Variants in ZNF385D observed in about 807,000 individuals in gnomAD.
The protein encoded by ZNF385D is zinc finger protein 385D.
In ZNF385D, 15 loss-of-function variants were observed where a neutral mutation model predicts 35.8. That is an observed-to-expected ratio of 0.42 (90% CI 0.28 to 0.64). ZNF385D has a LOEUF of 0.64. Among genes scored for constraint, ZNF385D ranks in the 30% least tolerant of loss-of-function variants. The pLI is 0.23. For synonymous variants in ZNF385D, 212 were observed against 186.8 expected, an observed-to-expected ratio of 1.13 and a Z score of -1.10; for missense variants, 474 against 494.6, an observed-to-expected ratio of 0.96 and a Z score of 0.39.
At chr3:22,181,658 A>G (rs888413500) in intron 2 of ZNF385D, among the ~76,000 whole-genome samples, 4 of 149,034 alleles carry the variant, frequency 2.7e-5, no homozygotes, top group Admixed American at 2.0e-4. Flanking sequence ...AGATGGGGCC[A>G]CTGCACTCCG....
chr3:21,610,050 A>G (rs1228215556), intron 2 of ZNF385D, among the ~76,000 whole-genome samples: 2 of 152,052 alleles, frequency 1.3e-5, no homozygotes, highest in African/African-American at 4.8e-5. Context: ...ATAAGCCACT[A>G]TGCTGTTATT....
In ZNF385D at chr3:22,336,929, AAAAAAAAAC is replaced by A. The variant is rs1227019006; in HGVS notation, c.106+35512_106+35520del. Among the ~76,000 whole-genome samples, 809 of 146,132 alleles carry A rather than the reference AAAAAAAAAC, an allele frequency of 5.5e-3. 18 individuals carry two copies. The highest frequency in any genetic ancestry group is 0.019 in the African/African-American group (747 of 39,632). Reference sequence around the variant, plus strand: ...TTTTTCAAAAAAAAAAAAAAAAAAAAAAAAAAAACCCTTACTGTTAGTGAGGAGAGAATA... The same window carrying A: ...TTTTTCAAAAAAAAAAAAAAAAAAAACCTTACTGTTAGTGAGGAGAGAATA... On this transcript the variant is annotated intron_variant, in intron 2 of 5. Transcript: ENST00000494108.
At chr3:21,848,935 T>A (rs1317261999) in intron 3 of ZNF385D, among the ~76,000 whole-genome samples, 1 of 152,114 alleles carries the variant, frequency 6.6e-6, no homozygotes, top group Non-Finnish European at 1.5e-5. Context: ...ATAGCCATCA[T>A]TCCATAAACA....
chr3:21,739,528 C>A (rs1162402929), intron 1 of ZNF385D, among the ~76,000 whole-genome samples: 1 of 152,086 alleles, frequency 6.6e-6, no homozygotes, highest in Non-Finnish European at 1.5e-5. Flanking sequence ...CATGAGGGGC[C>A]AGATCAGAAT....
chr3:21,454,655 A>G (rs1159367019), intron 4 of ZNF385D, among the ~76,000 whole-genome samples: 2 of 152,192 alleles, frequency 1.3e-5, no homozygotes, highest in East Asian at 3.9e-4. Context: ...CAAAACTGGA[A>G]ACATTCCCTT....
intron 3 of ZNF385D, among the ~76,000 whole-genome samples, chr3:21,940,130 GTTATT>G (rs1404715330): frequency 1.3e-5 from 2 of 151,882 alleles, no homozygotes; most frequent in Admixed American, 1.3e-4. Flanking sequence ...TCTTGTTTGC[GTTATT>G]TTATAAGTTT....
At chr3:21,754,367 G>C (rs1325638624), upstream of ZNF385D, among the ~76,000 whole-genome samples, 2 of 152,130 alleles carry the variant, frequency 1.3e-5, no homozygotes, top group Admixed American at 6.5e-5. Context: ...GAACCTAGGA[G>C]CTTCTGAAGG....
intron 3 of ZNF385D, among the ~76,000 whole-genome samples, chr3:22,002,784 C>T (rs369607462): frequency 6.6e-6 from 1 of 152,138 alleles, no homozygotes; most frequent in Non-Finnish European, 1.5e-5. Flanking sequence ...ATTTGTTCAA[C>T]ATACACAAAT....
intron 2 of ZNF385D, among the ~76,000 whole-genome samples, chr3:22,174,231 G>C (rs1379196702): frequency 1.3e-5 from 2 of 152,132 alleles, no homozygotes; most frequent in Non-Finnish European, 2.9e-5. Context: ...CCTGCAAATA[G>C]TGTGTTTTAT....
intron 3 of ZNF385D, among the ~76,000 whole-genome samples, chr3:22,066,893 G>A (rs1411354327): frequency 6.6e-6 from 1 of 152,140 alleles, no homozygotes; most frequent in African/African-American, 2.4e-5. Flanking sequence ...TACGCTGAAT[G>A]CTTCATCAAA....
chr3:21,792,132 A>G (rs992980847), intron 3 of ZNF385D, among the ~76,000 whole-genome samples: 1 of 152,222 alleles, frequency 6.6e-6, no homozygotes, highest in African/African-American at 2.4e-5. Flanking sequence ...TCAATAAATT[A>G]TATTGTTTTG....
chr3:22,137,819 G>A (rs1344481781), intron 3 of ZNF385D, among the ~76,000 whole-genome samples: 1 of 151,900 alleles, frequency 6.6e-6, no homozygotes, highest in Admixed American at 6.6e-5. Flanking sequence ...GCTCTGGCCA[G>A]GGCAATCAGG....
Position 21,539,429 on chromosome 3 carries a change from T to G in ZNF385D, c.276+25145A>C, listed in dbSNP as rs1052774969. On this transcript the variant is annotated intron_variant, in intron 3 of 7. Transcript: ENST00000281523. The surrounding 1 kb of genome is among the most constrained non-coding windows in gnomAD (Gnocchi z 4.0). ...TCAATCAAAAATAGATATATATCAC[T>G]GTCATAGGCAGTTCAACCATAAAAG... is the stretch of plus-strand genomic sequence containing the variant. 2.0e-5 allele frequency among the ~76,000 whole-genome samples: 3 copies of G among 152,334 alleles called. No individual in the cohort carries two copies. Among genetic ancestry groups the G allele is most frequent in the African/African-American group, 7.2e-5 (3 of 41,582 alleles).
chr3:22,314,619 T>A (rs533726176), intron 2 of ZNF385D, among the ~76,000 whole-genome samples: 2 of 152,186 alleles, frequency 1.3e-5, no homozygotes, highest in East Asian at 3.9e-4. Context: ...AGCAGCAGGG[T>A]TGCACTCTGG....
chr3:22,077,504 A>T (rs1015344915), intron 3 of ZNF385D, among the ~76,000 whole-genome samples: 10 of 152,132 alleles, frequency 6.6e-5, no homozygotes, highest in Non-Finnish European at 1.2e-4. Flanking sequence ...TTATCAATAG[A>T]TTATTCCAGA....
At position 21,413,940 on chromosome 3, in the gene ZNF385D, A is replaced by G. The variant is rs1420515372; in HGVS notation, c.*7274T>C. ...TTCGACAGTGTCTGTTTGTAGTTTTATTGTGAAGAACAGCCATTTTAAAAT... is the reference window on the plus strand; with the variant it reads ...TTCGACAGTGTCTGTTTGTAGTTTTGTTGTGAAGAACAGCCATTTTAAAAT... On this transcript the variant is annotated 3_prime_UTR_variant, in exon 8 of 8. Transcript: ENST00000281523. 1.3e-5 allele frequency: 2 copies of G among 152,134 alleles called. No homozygotes were observed. The highest frequency in any genetic ancestry group is 2.9e-5 in the Non-Finnish European group (2 of 67,996). The allele number at this position is 152,134 out of a possible 1,614,324, so 9.4% of individuals were successfully genotyped here.
intron 3 of ZNF385D, among the ~76,000 whole-genome samples, chr3:22,075,097 T>G (rs1335221963): frequency 6.6e-6 from 1 of 151,964 alleles, no homozygotes; most frequent in Non-Finnish European, 1.5e-5. Context: ...CCAGAGATTT[T>G]GATTAGCTGG....
chr3:21,926,774 GGC>G (rs766678983), intron 3 of ZNF385D, among the ~76,000 whole-genome samples: 14 of 151,954 alleles, frequency 9.2e-5, no homozygotes, highest in Non-Finnish European at 1.6e-4. Context: ...CAAAAGCAAT[GGC>G]AACAAAAACC....
intron 3 of ZNF385D, among the ~76,000 whole-genome samples, chr3:21,958,482 G>A (rs957599696): frequency 1.3e-5 from 2 of 152,044 alleles, no homozygotes; most frequent in African/African-American, 4.8e-5. Context: ...CCACCTTGCT[G>A]GGAACATGTT....
Sources: gnomAD v4.1 joint callset for allele counts (sites outside exome capture counted in the v4.1 genomes callset) on GRCh38, gnomAD v4.1.1 for gene constraint, Gnocchi (gnomAD v3.1) non-coding constraint, MANE v1.5 for transcripts, NCBI Gene and HGNC (gene_info 2026-07-23, HGNC 2026-07-21) for gene names.